Variants in AXDND1 observed in about 807,000 individuals in gnomAD.
AXDND1 encodes axonemal dynein light chain domain containing 1.
In AXDND1, 110 loss-of-function variants were observed where a neutral mutation model predicts 137.5. The observed-to-expected ratio is 0.80, with a 90% CI of 0.69 to 0.94. AXDND1 has a LOEUF of 0.94. Ranked by LOEUF, AXDND1 falls within the 40% of genes least tolerant of loss-of-function variation. The probability of loss-of-function intolerance (pLI) is 0.00; values close to 1 mark genes in which losing one functional copy is unlikely to be tolerated. For synonymous variants in AXDND1, 414 were observed against 399.7 expected (o/e 1.04, Z -0.43); for missense variants, 1,191 against 1,169.8 (o/e 1.02, Z -0.26).
Position 179,554,576 on chromosome 1 carries a change from G to A in AXDND1, c.*57G>A. 1 of 1,613,804 alleles carries A rather than the reference G, an allele frequency of 6.2e-7. No individual in the cohort carries two copies. Among genetic ancestry groups the A allele is most frequent in the African/African-American group, 1.3e-5 (1 of 75,014 alleles). On this transcript the variant is annotated 3_prime_UTR_variant, in exon 26 of 26. Coordinates refer to ENST00000367618, the MANE Select transcript of AXDND1 (RefSeq NM_144696.6). ...GATGTCAGTGGGAGCCTCCAGGTGG[G>A]AGGAGAGCATGCCTAAACCCTGGTG... is the stretch of plus-strand genomic sequence containing the variant.
At chr1:179,395,268 A>G (rs1650870019) in intron 11 of AXDND1, 66 bp downstream of exon 11, 1 of 1,218,456 alleles carries the variant, frequency 8.2e-7, no homozygotes, top group East Asian at 2.4e-5. Context: ...AGCTTCTGAA[A>G]TAATATATAT....
intron 25 of AXDND1, among the ~76,000 whole-genome samples, chr1:179,547,957 C>T (rs1195732344): frequency 2.6e-5 from 4 of 152,116 alleles, no homozygotes; most frequent in African/African-American, 9.7e-5. Context: ...AACTATTGCC[C>T]ACCAAGAGGA....
intron 25 of AXDND1, chr1:179,551,339 G>A: frequency 6.2e-7 from 1 of 1,614,192 alleles, no homozygotes; most frequent in Non-Finnish European, 8.5e-7. Flanking sequence ...TGTGGACAGA[G>A]ACTGAAGGGT....
intron 4 of AXDND1, among the ~76,000 whole-genome samples, chr1:179,377,220 C>A (rs1647413626): frequency 1.3e-5 from 2 of 152,220 alleles, no homozygotes; most frequent in African/African-American, 4.8e-5. Flanking sequence ...GCATGAGCCA[C>A]TGCAACTGGC....
intron 16 of AXDND1, chr1:179,447,879 TC>T: frequency 7.4e-7 from 1 of 1,347,812 alleles, no homozygotes; most frequent in Non-Finnish European, 1.1e-6. Flanking sequence ...TCTGAGGAGC[TC>T]CAGGGGACAC....
chr1:179,522,537 G>A (rs1390563298), intron 21 of AXDND1, among the ~76,000 whole-genome samples: 2 of 151,676 alleles, frequency 1.3e-5, no homozygotes, highest in South Asian at 2.1e-4. Context: ...AATACAACAT[G>A]GTACATTGAA....
At chr1:179,383,638 C>T in intron 8 of AXDND1, 94 bp downstream of exon 8, 1 of 886,468 alleles carries the variant, frequency 1.1e-6, no homozygotes, top group Non-Finnish European at 1.8e-6. Context: ...CATATATTTA[C>T]TAATGGCCTT....
At chr1:179,446,747 A>G (rs991606643) in intron 16 of AXDND1, among the ~76,000 whole-genome samples, 1 of 151,474 alleles carries the variant, frequency 6.6e-6, no homozygotes, top group Non-Finnish European at 1.5e-5. Flanking sequence ...TCTGAATACA[A>G]GTCCCTTTTC....
chr1:179,532,255 A>C (rs1185299110), intron 23 of AXDND1, among the ~76,000 whole-genome samples: 1 of 152,214 alleles, frequency 6.6e-6, no homozygotes, highest in African/African-American at 2.4e-5. Context: ...ATCTATTGAC[A>C]GAATGAGGAG....
intron 23 of AXDND1, among the ~76,000 whole-genome samples, chr1:179,529,596 G>A (rs1194453655): frequency 6.6e-6 from 1 of 152,206 alleles, no homozygotes; most frequent in African/African-American, 2.4e-5. Context: ...AGAAAAGGAA[G>A]AAGCTTGGCT....
intron 20 of AXDND1, 114 bp from the exon 21 acceptor site, chr1:179,509,182 T>C (rs1056202092): frequency 6.1e-6 from 4 of 652,454 alleles, no homozygotes; most frequent in East Asian, 2.8e-5. Context: ...TGAACTGATA[T>C]AAAGTTAATT....
chr1:179,486,119 C>CAAA (rs1173009992), intron 18 of AXDND1, among the ~76,000 whole-genome samples: 4 of 22,596 alleles, frequency 1.8e-4, no homozygotes, highest in African/African-American at 2.6e-4. Context: ...AACTCTGTCT[C>CAAA]AAAAAAAAAA....
At chr1:179,386,050 CTTTTT>C (rs71111980) in intron 9 of AXDND1, among the ~76,000 whole-genome samples, 2 of 102,426 alleles carry the variant, frequency 2.0e-5, no homozygotes, top group African/African-American at 3.9e-5. Flanking sequence ...GGATTTTTTC[CTTTTT>C]TTTTTTTTTT....
intron 16 of AXDND1, among the ~76,000 whole-genome samples, chr1:179,461,989 A>G (rs908025777): frequency 6.6e-6 from 1 of 152,212 alleles, no homozygotes; most frequent in Admixed American, 6.5e-5. Context: ...TGTCATCTGC[A>G]AACAGGGACA....
intron 25 of AXDND1, among the ~76,000 whole-genome samples, chr1:179,539,243 T>C (rs1671870511): frequency 6.6e-6 from 1 of 152,212 alleles, no homozygotes; most frequent in African/African-American, 2.4e-5. Context: ...TGATGCTAGC[T>C]GGTTATTTTG....
chr1:179,509,317 A>G lies in AXDND1; in HGVS notation c.2410A>G (p.Asn804Asp). Residue 804 changes from asparagine to aspartate, a missense_variant, in exon 21 of 26, where the codon AAC (asparagine) becomes GAC (aspartate). Physicochemically the swap from Asn to Asp is conservative, Grantham distance 23 (BLOSUM62 1). Coordinates refer to ENST00000367618, the MANE Select transcript of AXDND1 (RefSeq NM_144696.6). ...TCAGAAAGAATGTTATGAATGGATC[A>G]ACACATGCTCTTGCCTCCTTTCTAA... ...KLKKECYEWI[N>D]TCSCLLSNIK... The G allele has an allele frequency of 6.2e-7, 1 of 1,611,484 alleles. No homozygotes were observed. The highest frequency in any genetic ancestry group is 8.5e-7 in the Non-Finnish European group (1 of 1,178,158).
intron 16 of AXDND1, chr1:179,447,702 T>G (rs1367870880): frequency 2.2e-6 from 3 of 1,345,894 alleles, no homozygotes; most frequent in South Asian, 1.2e-5. Context: ...GGGGAGACTT[T>G]GTAGGCATGA....
At position 179,414,132 on chromosome 1, in the gene AXDND1, AT is replaced by A. The variant is rs1654316764; in HGVS notation, c.1230+2867del. Among the ~76,000 whole-genome samples the A allele has an allele frequency of 2.0e-5, 3 of 152,132 alleles. No individual in the cohort carries two copies. In the South Asian group the frequency reaches 6.2e-4, roughly 31 times the overall value. On this transcript the variant is annotated intron_variant, in intron 12 of 25. Coordinates refer to ENST00000367618, the MANE Select transcript of AXDND1 (RefSeq NM_144696.6). The stretch of plus-strand genomic sequence containing the variant: ...AATGCAGTTTTCTAACCAGAAAAAA[AT>A]AAATTTAAACATTATTTGAATTATT...
At chr1:179,367,063 A>G (rs909105188) in intron 2 of AXDND1, among the ~76,000 whole-genome samples, 1 of 151,998 alleles carries the variant, frequency 6.6e-6, no homozygotes, top group African/African-American at 2.4e-5. Context: ...TCTACTAGAA[A>G]TACAAAAATT....
Sources: gnomAD v4.1 joint callset for allele counts (sites outside exome capture counted in the v4.1 genomes callset) on GRCh38, gnomAD v4.1.1 for gene constraint, MANE v1.5 for transcripts, NCBI Gene and HGNC (gene_info 2026-07-23, HGNC 2026-07-21) for gene names.